CBR4: variants seen among roughly 807,000 people sequenced by gnomAD.
The protein encoded by CBR4 is carbonyl reductase 4.
CBR4 carries 22 observed loss-of-function variants against 21.0 expected under a neutral mutation model. The observed-to-expected ratio is 1.05, with a 90% confidence interval of 0.75 to 1.50. The LOEUF (loss-of-function observed/expected upper bound fraction) is 1.50, where lower values mean the gene tolerates loss of function less well. Ranked by LOEUF, CBR4 falls within the 40% of genes most tolerant of loss-of-function variation. The probability of loss-of-function intolerance (pLI) is 0.00; values close to 1 mark genes in which losing one functional copy is unlikely to be tolerated. For missense variants in CBR4, 302 were observed against 286.3 expected (o/e 1.05, Z -0.40); for synonymous variants, 100 against 104.4 (o/e 0.96, Z 0.26).
downstream of CBR4, among the ~76,000 whole-genome samples, chr4:168,986,001 CCT>C (rs377139329): frequency 0.011 from 1,720 of 151,876 alleles, 43 homozygotes; most frequent in African/African-American, 0.039. Flanking sequence ...ACACCAAACC[CCT>C]GTGACATGTA....
chr4:168,944,342 G>C (rs2126685727), intron 2 of CBR4, among the ~76,000 whole-genome samples: 1 of 152,078 alleles, frequency 6.6e-6, no homozygotes. Flanking sequence ...GCGTGGGCCT[G>C]GTGGTGCTGC....
chr4:169,002,098 T>G lies in CBR4; in HGVS notation c.508A>C (p.Lys170Gln). ...RALAKEVARK[K>Q]IRVNVVAPGF... Reference sequence around the variant, plus strand: ...GGTGCAACTACATTCACTCTAATTTTCTTTCTTGCTACCTCTTTAGCAAGA... The same window carrying G: ...GGTGCAACTACATTCACTCTAATTTGCTTTCTTGCTACCTCTTTAGCAAGA... Residue 170 changes from lysine to glutamine, a missense_variant, in exon 4 of 5, where the codon AAA becomes CAA. Lys to Gln is a moderately conservative substitution (Grantham distance 53). Coordinates refer to ENST00000306193, the MANE Select transcript of CBR4 (RefSeq NM_032783.5). 6.3e-7 allele frequency: 1 copy of G among 1,595,468 alleles called. No homozygotes were observed. The highest frequency in any genetic ancestry group is 8.5e-7 in the Non-Finnish European group (1 of 1,172,898).
At chr4:168,929,425 C>T (rs1762896906) in intron 2 of CBR4, among the ~76,000 whole-genome samples, 1 of 152,108 alleles carries the variant, frequency 6.6e-6, no homozygotes. Flanking sequence ...TTCACATTGT[C>T]TTCTATACCC....
intron 2 of CBR4, among the ~76,000 whole-genome samples, chr4:168,977,097 G>A (rs558448114): frequency 1.3e-5 from 2 of 152,332 alleles, no homozygotes; most frequent in East Asian, 3.9e-4. Context: ...TTCCTGATAT[G>A]TTCCTGTGGT....
chr4:169,009,181 G>A (rs1731177466), intron 1 of CBR4: 1 of 398,424 alleles, frequency 2.5e-6, no homozygotes, highest in East Asian at 7.1e-5. Context: ...CCATTCTGGT[G>A]ATTAAACAAA....
chr4:169,006,721 G>C, intron 3 of CBR4, 34 bp downstream of exon 3: 1 of 1,572,748 alleles, frequency 6.4e-7, no homozygotes, highest in Non-Finnish European at 8.7e-7. Context: ...TGGTATTATG[G>C]GATAATCATA....
chr4:168,956,597 C>CAA (rs59962690), intron 2 of CBR4, among the ~76,000 whole-genome samples: 371 of 29,696 alleles, frequency 0.012, 53 homozygotes, highest in East Asian at 0.023. Context: ...GACCCTGTCT[C>CAA]AAAAAAAAAA....
intron 2 of CBR4, among the ~76,000 whole-genome samples, chr4:168,958,482 A>G (rs1426792216): frequency 6.6e-6 from 1 of 152,162 alleles, no homozygotes; most frequent in East Asian, 1.9e-4. Flanking sequence ...GAATATGTGG[A>G]TTGCTTACAA....
rs768387998 is a variant in CBR4, at chr4:169,007,657, A to G, written c.242T>C (p.Val81Ala). 3 of 1,584,088 alleles carry G rather than the reference A, an allele frequency of 1.9e-6. No individual in the cohort carries two copies. Among genetic ancestry groups the G allele is most frequent in the Non-Finnish European group, 2.6e-6 (3 of 1,167,400 alleles). Residue 81 changes from valine to alanine, a missense_variant, in exon 2 of 5, where the codon GTA becomes GCA. Coordinates refer to ENST00000306193, the MANE Select transcript of CBR4 (RefSeq NM_032783.5). ...CAACCTGTTAATACCAGCTGCATTT[A>G]CCAAGAAATTTACTCGACCTAAATG... Reference protein sequence around the residue: ...EKHLGRVNFLVNAAGINRDGL... With the variant: ...EKHLGRVNFLANAAGINRDGL...
At chr4:168,949,300 A>G (rs946850528) in intron 2 of CBR4, among the ~76,000 whole-genome samples, 4 of 152,150 alleles carry the variant, frequency 2.6e-5, no homozygotes, top group Non-Finnish European at 5.9e-5. Flanking sequence ...AAACAATCAT[A>G]TCGTCAGCAA....
chr4:168,909,018 G>A (rs1221493931), intron 2 of CBR4, among the ~76,000 whole-genome samples: 3 of 152,170 alleles, frequency 2.0e-5, no homozygotes, highest in East Asian at 1.9e-4. Context: ...TATCACACTC[G>A]ATGTGTGTAG....
intron 2 of CBR4, among the ~76,000 whole-genome samples, chr4:168,966,184 C>A (rs1764019664): frequency 6.6e-6 from 1 of 151,946 alleles, no homozygotes; most frequent in Non-Finnish European, 1.5e-5. Context: ...CAAATCAAAA[C>A]CACAATGAAA....
Position 168,988,631 on chromosome 4 carries a change from T to G in CBR4, c.*1519A>C, listed in dbSNP as rs1174871130. The G allele has an allele frequency of 1.0e-6, 1 of 985,262 alleles. No individual in the cohort carries two copies. The highest frequency in any genetic ancestry group is 1.7e-5 in the African/African-American group (1 of 57,256). The allele number at this position is 985,262 out of a possible 1,614,324, so 61.0% of individuals were successfully genotyped here. ...CTGCATTTCCTATATGTGCCTAGAC[T>G]TGGTAATGCCTGATAAATTCTGTAT... is the stretch of plus-strand genomic sequence containing the variant. On this transcript the variant is annotated 3_prime_UTR_variant, in exon 5 of 5. Transcript: ENST00000306193.
At chr4:168,922,628 A>C (rs1467426513) in intron 2 of CBR4, among the ~76,000 whole-genome samples, 1 of 152,244 alleles carries the variant, frequency 6.6e-6, no homozygotes, top group Non-Finnish European at 1.5e-5. Flanking sequence ...CTCTTGGATT[A>C]TGATTCTGAT....
rs77982161 is a variant in CBR4 at position 168,937,040 on chromosome 4, G to A, written n.170-42275C>T. On this transcript the variant is annotated intron_variant and non_coding_transcript_variant, in intron 2 of 3. Coordinates refer to the CBR4 transcript ENST00000509108. Reference sequence around the variant, plus strand: ...AATGTTATCGGCAGCCAGAGAGAAAGATCCTCCTTTGGAGGATCACAAAAG... The same window carrying A: ...AATGTTATCGGCAGCCAGAGAGAAAAATCCTCCTTTGGAGGATCACAAAAG... Among the ~76,000 whole-genome samples the A allele has an allele frequency of 0.025, 3,795 of 152,228 alleles. 364 individuals carry two copies. The East Asian group carries it at 0.33, about 13-fold the overall frequency.
chr4:168,918,698 AAATG>A (rs1189360151), intron 2 of CBR4, among the ~76,000 whole-genome samples: 1 of 152,204 alleles, frequency 6.6e-6, no homozygotes, highest in Non-Finnish European at 1.5e-5. Context: ...CTACAAAAAA[AAATG>A]AAGTCATACA....
chr4:168,987,954 T>C lies in CBR4; in HGVS notation c.*2196A>G. The stretch of plus-strand genomic sequence containing the variant: ...AATACATTGGCTTTACCTATAAACC[T>C]TATTTTGTTAATGCTAAGCACAGAA... On this transcript the variant is annotated 3_prime_UTR_variant, in exon 5 of 5. Coordinates refer to ENST00000306193, the MANE Select transcript of CBR4 (RefSeq NM_032783.5). 2.0e-6 allele frequency: 2 copies of C among 985,356 alleles called. No individual in the cohort carries two copies. Among genetic ancestry groups the C allele is most frequent in the Non-Finnish European group, 1.2e-6 (1 of 829,842 alleles). 61.0% of individuals were successfully genotyped at this position (985,356 alleles called of 1,614,324 possible).
At chr4:168,954,803 C>T (rs895390407) in intron 2 of CBR4, among the ~76,000 whole-genome samples, 6 of 152,154 alleles carry the variant, frequency 3.9e-5, no homozygotes, top group Non-Finnish European at 8.8e-5. Flanking sequence ...CAAGATGATA[C>T]CGCCCCTAAA....
chr4:168,898,226 C>T lies in CBR4; in HGVS notation n.170-3461G>A, dbSNP rs143614949. The T allele has an allele frequency of 4.6e-3, 2,257 of 489,348 alleles. 13 individuals are homozygous for T. The highest frequency in any genetic ancestry group is 4.8e-3 in the Admixed American group (147 of 30,368). The allele number at this position is 489,348 out of a possible 1,614,324, so 30.3% of individuals were successfully genotyped here. ...TTCTTTCCTTCCCCTTGTTTCCCCTCGCCTCAGAGAAAAGAAGGAAAAAAA... is the reference window on the plus strand; with the variant it reads ...TTCTTTCCTTCCCCTTGTTTCCCCTTGCCTCAGAGAAAAGAAGGAAAAAAA... On this transcript the variant is annotated intron_variant and non_coding_transcript_variant, in intron 2 of 3. Coordinates refer to the CBR4 transcript ENST00000509108.
Sources: allele counts gnomAD v4.1 joint callset (sites outside exome capture counted in the v4.1 genomes callset), GRCh38; gene constraint gnomAD v4.1.1; transcripts MANE v1.5; gene names NCBI Gene and HGNC (gene_info 2026-07-23, HGNC 2026-07-21).